Variants in HTR2A observed in about 807,000 individuals in gnomAD.
HTR2A encodes the protein 5-HT2 receptor.
Under a neutral mutation model 31.0 loss-of-function variants are expected in HTR2A, and 14 were observed. The observed-to-expected ratio is 0.45, with a 90% CI of 0.30 to 0.71. The LOEUF is 0.71. Among genes scored for constraint, HTR2A ranks in the 30% least tolerant of loss-of-function variants. The pLI is 0.09. For missense variants in HTR2A, 442 were observed against 573.3 expected (o/e 0.77, Z 2.34); for synonymous variants, 209 against 225.2 (o/e 0.93, Z 0.64).
intron 3 of HTR2A, among the ~76,000 whole-genome samples, chr13:46,876,395 T>C (rs1430380016): frequency 2.3e-5 from 2 of 87,652 alleles, no homozygotes; most frequent in African/African-American, 5.3e-5. Flanking sequence ...CATATATATA[T>C]ATATATATAT....
rs1173890753 is a variant in HTR2A, at chr13:46,871,084, A to T, written c.613+21306T>A. ...CTCAAACTCCACATTACCATGTAATATAGACACGTGCCTGCATGAGCTTGG... is the reference window on the plus strand; with the variant it reads ...CTCAAACTCCACATTACCATGTAATTTAGACACGTGCCTGCATGAGCTTGG... On this transcript the variant is annotated intron_variant, in intron 3 of 3. Transcript: ENST00000542664. Among the ~76,000 whole-genome samples the T allele has an allele frequency of 2.6e-5, 4 of 152,328 alleles. No homozygotes were observed. The East Asian group carries it at 7.7e-4, about 29-fold the overall frequency.
At chr13:46,864,252 T>C (rs914816285) in intron 3 of HTR2A, among the ~76,000 whole-genome samples, 1 of 151,714 alleles carries the variant, frequency 6.6e-6, no homozygotes, top group Admixed American at 6.6e-5. Flanking sequence ...TGTTGGAGGG[T>C]GGGGCCTGGG....
intron 3 of HTR2A, among the ~76,000 whole-genome samples, chr13:46,838,622 T>C (rs1006560488): frequency 6.6e-6 from 1 of 152,156 alleles, no homozygotes; most frequent in Non-Finnish European, 1.5e-5. Context: ...TTAACACTGA[T>C]GTAATTTTAG....
intron 3 of HTR2A, among the ~76,000 whole-genome samples, chr13:46,839,066 G>C (rs1172616838): frequency 6.6e-6 from 1 of 151,892 alleles, no homozygotes; most frequent in Non-Finnish European, 1.5e-5. Context: ...CACTGAAATA[G>C]AGAATCCCTC....
intron 3 of HTR2A, among the ~76,000 whole-genome samples, chr13:46,847,779 G>C (rs1950654286): frequency 6.6e-6 from 1 of 152,118 alleles, no homozygotes; most frequent in African/African-American, 2.4e-5. Context: ...GATTAGGCAG[G>C]ATCTTTCTTA....
intron 3 of HTR2A, among the ~76,000 whole-genome samples, chr13:46,871,913 A>T (rs1007155682): frequency 2.6e-5 from 4 of 152,266 alleles, no homozygotes; most frequent in African/African-American, 9.6e-5. Context: ...AATTCTAGAC[A>T]TATCCTGCAT....
intron 3 of HTR2A, among the ~76,000 whole-genome samples, chr13:46,883,099 TAAAAA>T (rs1472150747): frequency 6.6e-6 from 1 of 152,136 alleles, no homozygotes; most frequent in East Asian, 1.9e-4. Flanking sequence ...TTATAGAAAA[TAAAAA>T]CATAACATGA....
chr13:46,896,614 A>G (rs1339162762), intron 1 of HTR2A, 60 bp downstream of exon 1: 2 of 1,266,376 alleles, frequency 1.6e-6, no homozygotes, highest in African/African-American at 1.5e-5. Context: ...TTGGCCAAGC[A>G]TGATTTCAAA....
chr13:46,866,267 C>T (rs766835556), intron 3 of HTR2A, among the ~76,000 whole-genome samples: 9 of 152,178 alleles, frequency 5.9e-5, no homozygotes, highest in Non-Finnish European at 7.3e-5. Flanking sequence ...AAGCAATCAG[C>T]TTCCTGATAG....
At chr13:46,868,982 A>G (rs1180817647) in intron 3 of HTR2A, among the ~76,000 whole-genome samples, 1 of 152,212 alleles carries the variant, frequency 6.6e-6, no homozygotes, top group African/African-American at 2.4e-5. Context: ...GTAGCTTTAC[A>G]GAATCTGAAG....
chr13:46,839,370 C>A (rs1950582364), intron 3 of HTR2A, among the ~76,000 whole-genome samples: 1 of 152,080 alleles, frequency 6.6e-6, no homozygotes, highest in Non-Finnish European at 1.5e-5. Flanking sequence ...TGTCAAAAAA[C>A]TTAGAACACA....
intron 3 of HTR2A, among the ~76,000 whole-genome samples, chr13:46,857,049 C>G (rs551023018): frequency 6.6e-6 from 1 of 152,152 alleles, no homozygotes; most frequent in East Asian, 1.9e-4. Context: ...CGACTGTAAT[C>G]TCAGCACTTT....
At chr13:46,848,876 T>C (rs1950662268) in intron 3 of HTR2A, among the ~76,000 whole-genome samples, 1 of 152,222 alleles carries the variant, frequency 6.6e-6, no homozygotes, top group South Asian at 2.1e-4. Flanking sequence ...TTGAGATGCA[T>C]ATGGAAATTA....
In HTR2A at chr13:46,832,534, A is replaced by G. The variant is rs968529137; in HGVS notation, c.*2303T>C. 1.3e-5 allele frequency: 2 copies of G among 152,216 alleles called. No individual in the cohort carries two copies. Among genetic ancestry groups the G allele is most frequent in the African/African-American group, 2.4e-5 (1 of 41,466 alleles). The allele number at this position is 152,216 out of a possible 1,614,324, so 9.4% of individuals were successfully genotyped here. ...TGAGTATATGGGGGTAGAATCTGTA[A>G]TCTTTTCCCTAATATATAATGAAAT... On this transcript the variant is annotated 3_prime_UTR_variant, in exon 4 of 4. Transcript: ENST00000542664.
chr13:46,887,813 G>A lies in HTR2A; in HGVS notation c.613+4577C>T, dbSNP rs533415683. Reference sequence around the variant, plus strand: ...ATAAAAGGAGAAAAATGTACAAAATGTAGAAGTGTTTAACACTGCATGTTC... The same window carrying A: ...ATAAAAGGAGAAAAATGTACAAAATATAGAAGTGTTTAACACTGCATGTTC... On this transcript the variant is annotated intron_variant, in intron 3 of 3. Transcript: ENST00000542664. Among the ~76,000 whole-genome samples the A allele has an allele frequency of 7.2e-5, 11 of 151,882 alleles. No individual in the cohort carries two copies. The East Asian group carries it at 1.8e-3, about 24-fold the overall frequency.
chr13:46,896,972 C>A lies in HTR2A; in HGVS notation c.-627G>T, dbSNP rs1191221625. ...ATCATTCACGAGCCCCTCAAAGTCG[C>A]ACAAAAGAACTGCATGGGAAAGTAG... On this transcript the variant is annotated 5_prime_UTR_variant, in exon 1 of 4. Transcript: ENST00000542664. 2 of 684,832 alleles carry A rather than the reference C, an allele frequency of 2.9e-6. No homozygotes were observed. Among genetic ancestry groups the A allele is most frequent in the Non-Finnish European group, 4.9e-6 (2 of 407,692 alleles). The allele number at this position is 684,832 out of a possible 1,614,324, so 42.4% of individuals were successfully genotyped here. A position where few individuals can be genotyped will look rare whatever the true frequency, so the allele number is the denominator to read the frequency against.
chr13:46,863,157 T>C (rs1471623179), intron 3 of HTR2A, among the ~76,000 whole-genome samples: 1 of 152,196 alleles, frequency 6.6e-6, no homozygotes, highest in Non-Finnish European at 1.5e-5. Flanking sequence ...TAAATGGTTA[T>C]ACAAAACTCT....
intron 3 of HTR2A, among the ~76,000 whole-genome samples, chr13:46,863,022 A>G (rs1950792067): frequency 6.6e-6 from 1 of 152,168 alleles, no homozygotes; most frequent in Admixed American, 6.6e-5. Context: ...TCTTTCTGGT[A>G]TAACACTAGT....
chr13:46,886,077 ATATT>A (rs1417954694), intron 3 of HTR2A, among the ~76,000 whole-genome samples: 2 of 152,164 alleles, frequency 1.3e-5, no homozygotes, highest in Non-Finnish European at 2.9e-5. Context: ...GTTTATGTAT[ATATT>A]CTTCTTTATG....
Sources: gnomAD v4.1 joint callset for allele counts (sites outside exome capture counted in the v4.1 genomes callset) on GRCh38, gnomAD v4.1.1 for gene constraint, MANE v1.5 for transcripts, NCBI Gene and HGNC (gene_info 2026-07-23, HGNC 2026-07-21) for gene names.